Variants in HOOK3 observed in about 807,000 individuals in gnomAD.
HOOK3 encodes the protein hook microtubule tethering protein 3.
A neutral mutation model predicts 116.3 loss-of-function variants in HOOK3; 24 were observed. The observed-to-expected ratio is 0.21, with a 90% CI of 0.15 to 0.29. The LOEUF (loss-of-function observed/expected upper bound fraction) is 0.29. Among genes scored for constraint, HOOK3 ranks in the 10% least tolerant of loss-of-function variants. The pLI is 1.00. For synonymous variants in HOOK3, 275 were observed against 283.0 expected (o/e 0.97, Z 0.28); for missense variants, 632 against 830.2 (o/e 0.76, Z 2.93).
chr8:42,966,834 T>C (rs982449118), intron 10 of HOOK3, among the ~76,000 whole-genome samples: 1 of 152,216 alleles, frequency 6.6e-6, no homozygotes, highest in African/African-American at 2.4e-5. Flanking sequence ...TTTATATTTG[T>C]AAACACTTGC....
Position 42,958,596 on chromosome 8 carries a change from G to GTTT in HOOK3, c.532-614_532-612dup, listed in dbSNP as rs71550434. Among the ~76,000 whole-genome samples, 310 of 106,338 alleles carry GTTT rather than the reference G, an allele frequency of 2.9e-3. 1 individual carries two copies. The highest frequency in any genetic ancestry group is 0.01 in the African/African-American group (295 of 29,258). 69.8% of individuals were successfully genotyped at this position (106,338 alleles called of 152,430 possible). A position where few individuals can be genotyped will look rare whatever the true frequency, so the allele number is the denominator to read the frequency against. On this transcript the variant is annotated intron_variant, in intron 7 of 21. Coordinates refer to ENST00000307602, the MANE Select transcript of HOOK3 (RefSeq NM_032410.4). ...ACTATTTTCACAACAGTTTTTGATA[G>GTTT]TTTTTTTTTTTTTTTTTTTTTTTAA... is the stretch of plus-strand genomic sequence containing the variant.
At chr8:42,937,630 C>T (rs1563295452) in intron 4 of HOOK3, among the ~76,000 whole-genome samples, 1 of 152,092 alleles carries the variant, frequency 6.6e-6, no homozygotes, top group African/African-American at 2.4e-5. Flanking sequence ...CTTATTTCTG[C>T]CTTCATTTCA....
chr8:42,976,491 C>CA (rs1160228078), intron 13 of HOOK3, among the ~76,000 whole-genome samples: 1 of 151,156 alleles, frequency 6.6e-6, no homozygotes, highest in African/African-American at 2.4e-5. Context: ...GCCTGGACAA[C>CA]AAAAAGGAAA....
Position 42,906,150 on chromosome 8 carries a change from C to T in HOOK3, c.58-23C>T, listed in dbSNP as rs201879009. 21 of 1,079,562 alleles carry T rather than the reference C, an allele frequency of 1.9e-5. 1 individual carries two copies. Among genetic ancestry groups the T allele is most frequent in the Admixed American group, 1.4e-4 (8 of 55,632 alleles). The allele number at this position is 1,079,562 out of a possible 1,614,324, so 66.9% of individuals were successfully genotyped here. A position where few individuals can be genotyped will look rare whatever the true frequency, so the allele number is the denominator to read the frequency against. ...AGAGGTAACCACAGAATCTCTCCCC[C>T]CCCCCTCTTTTTTTCCCTTCAGATC... On this transcript the variant is annotated intron_variant, in intron 1 of 21. Transcript: ENST00000307602.
intron 7 of HOOK3, 24 bp from the exon 8 acceptor site, chr8:42,959,207 G>A (rs544313115): frequency 1.3e-6 from 2 of 1,492,548 alleles, no homozygotes; most frequent in African/African-American, 1.4e-5. Flanking sequence ...ATATTAAAAT[G>A]TTTATCTCTT....
At chr8:42,910,392 G>C (rs1049487238) in intron 2 of HOOK3, among the ~76,000 whole-genome samples, 3 of 151,990 alleles carry the variant, frequency 2.0e-5, no homozygotes, top group African/African-American at 4.8e-5. Flanking sequence ...GTCACACACA[G>C]AAGAGCATTC....
In HOOK3 at chr8:42,905,325, T is replaced by TGG. The variant is rs113737597; in HGVS notation, c.58-838_58-837dup. ...TTTTTTTTTTTCCTGTTTCTTTTTT[T>TGG]GGGGGGGGGGGTGCCGTGGTGGAGG... On this transcript the variant is annotated intron_variant, in intron 1 of 21. Coordinates refer to ENST00000307602, the MANE Select transcript of HOOK3 (RefSeq NM_032410.4). Among the ~76,000 whole-genome samples, 408 of 99,096 alleles carry TGG rather than the reference T, an allele frequency of 4.1e-3. 6 individuals are homozygous for TGG. The highest frequency in any genetic ancestry group is 0.017 in the African/African-American group (370 of 21,392). 65.0% of individuals were successfully genotyped at this position (99,096 alleles called of 152,430 possible).
chr8:42,978,564 C>T (rs1205204675), intron 13 of HOOK3, among the ~76,000 whole-genome samples: 1 of 152,136 alleles, frequency 6.6e-6, no homozygotes, highest in Non-Finnish European at 1.5e-5. Flanking sequence ...GCACCTGCCA[C>T]CACACCCGGC....
chr8:42,964,839 G>GA (rs566582262), intron 9 of HOOK3, among the ~76,000 whole-genome samples: 29 of 147,182 alleles, frequency 2.0e-4, no homozygotes, highest in South Asian at 2.2e-4. Flanking sequence ...AAAAAAAAAA[G>GA]AAAAAAAAAA....
chr8:43,005,440 G>T (rs7839567), intron 17 of HOOK3, among the ~76,000 whole-genome samples: 151,543 of 151,544 alleles, frequency 1, 75,771 homozygotes, highest in Middle Eastern at 1. Context: ...GCCAGGATGG[G>T]CTTGATCTCC....
intron 2 of HOOK3, among the ~76,000 whole-genome samples, chr8:42,910,215 T>A (rs111879482): frequency 0.048 from 7,247 of 152,092 alleles, 348 homozygotes; most frequent in African/African-American, 0.12. Context: ...ATTTTGAAAA[T>A]TTTTTTTCAT....
chr8:42,945,464 C>G (rs1310812358), intron 5 of HOOK3, among the ~76,000 whole-genome samples: 2 of 152,094 alleles, frequency 1.3e-5, no homozygotes, highest in Non-Finnish European at 2.9e-5. Flanking sequence ...TGTGCACCAC[C>G]ATGCCTGGCT....
intron 6 of HOOK3, among the ~76,000 whole-genome samples, chr8:42,952,267 A>G (rs1193699196): frequency 6.6e-6 from 1 of 152,254 alleles, no homozygotes; most frequent in Non-Finnish European, 1.5e-5. Context: ...GCAAATGGAT[A>G]CAAATCAAAT....
chr8:42,974,344 G>GATT (rs1210910020), intron 13 of HOOK3, 150 bp downstream of exon 13: 6 of 542,530 alleles, frequency 1.1e-5, no homozygotes, highest in African/African-American at 9.6e-5. Context: ...GGATTCAAGC[G>GATT]ATTCTCCTGC....
Position 43,019,508 on chromosome 8 carries a change from CATT to C in HOOK3, c.*1012_*1014del. ...TTGATATCTTAATATCAGTCACTAA[CATT>C]AGTAACTTCTTGTATGTTATATTAT... On this transcript the variant is annotated 3_prime_UTR_variant, in exon 22 of 22. Transcript: ENST00000307602. 9.7e-6 allele frequency: 2 copies of C among 205,394 alleles called. No homozygotes were observed. Among genetic ancestry groups the C allele is most frequent in the Middle Eastern group, 1.6e-3 (1 of 626 alleles). 12.7% of individuals were successfully genotyped at this position (205,394 alleles called of 1,614,324 possible). A position where few individuals can be genotyped will look rare whatever the true frequency, so the allele number is the denominator to read the frequency against.
chr8:42,931,668 G>A (rs538053153), intron 4 of HOOK3, among the ~76,000 whole-genome samples: 2 of 151,874 alleles, frequency 1.3e-5, no homozygotes, highest in Admixed American at 6.6e-5. Flanking sequence ...TCCTGACCTC[G>A]TGATCTGCCC....
chr8:42,999,179 C>T (rs544875776), intron 16 of HOOK3, among the ~76,000 whole-genome samples: 2 of 152,258 alleles, frequency 1.3e-5, no homozygotes, highest in South Asian at 4.1e-4. Flanking sequence ...AGCATTTATT[C>T]TTCAAAAGAT....
Position 42,982,673 on chromosome 8 carries a change from A to C in HOOK3, c.1368A>C (p.Ala456=), listed in dbSNP as rs1563307164. The C allele has an allele frequency of 4.3e-6, 7 of 1,612,006 alleles. No individual in the cohort carries two copies. The highest frequency in any genetic ancestry group is 5.9e-6 in the Non-Finnish European group (7 of 1,178,324). The change falls in exon 14 of 22, where the codon GCA becomes GCC. Residue 456 remains alanine (A), a synonymous_variant. Coordinates refer to ENST00000307602, the MANE Select transcript of HOOK3 (RefSeq NM_032410.4). ...AGGAGTCTTCAGACAGTCTAGCTGC[A>C]GAGATTGTTACACCTGAAATCAGGT... ...GSQESSDSLA[A]EIVTPEIREK...
At chr8:43,008,668 T>A (rs1238055874) in intron 18 of HOOK3, among the ~76,000 whole-genome samples, 1 of 134,806 alleles carries the variant, frequency 7.4e-6, no homozygotes, top group Non-Finnish European at 1.7e-5. Flanking sequence ...TTTTTATTTT[T>A]TTTTTTTTTG....
Sources: allele counts gnomAD v4.1 joint callset (sites outside exome capture counted in the v4.1 genomes callset), GRCh38; gene constraint gnomAD v4.1.1; transcripts MANE v1.5; gene names NCBI Gene and HGNC (gene_info 2026-07-23, HGNC 2026-07-21).